The following MAP1S variants were observed in gnomAD, a reference collection of about 807,000 sequenced individuals.
MAP1S encodes the protein microtubule associated protein 1S.
MAP1S carries 27 observed loss-of-function variants against 60.9 expected under a neutral mutation model. That is an observed-to-expected ratio of 0.44 (90% CI 0.33 to 0.61). MAP1S has a LOEUF of 0.61. MAP1S is among the 20% of genes least tolerant of loss of function. The pLI is 0.03. For synonymous variants in MAP1S, 826 were observed against 694.2 expected (o/e 1.19, Z -2.98); for missense variants, 1,608 against 1,486.6 (o/e 1.08, Z -1.34).
chr19:17,728,114 C>G lies in MAP1S; in HGVS notation c.2730C>G (p.Gly910=). Reference sequence around the variant, plus strand: ...GGAGTGAGCCCAGTGAGAAGGGAGGCCGGGCACCCCTGTCCAGAAAGTCCT... The same window carrying G: ...GGAGTGAGCCCAGTGAGAAGGGAGGGCGGGCACCCCTGTCCAGAAAGTCCT... ...SARSEPSEKG[G]RAPLSRKSST... is the part of the protein sequence containing the mutation. The change falls in exon 5 of 7, where the codon GGC becomes GGG. Residue 910 remains glycine, a synonymous_variant. Transcript: ENST00000324096. 1 of 1,611,612 alleles carries G rather than the reference C, an allele frequency of 6.2e-7. No individual in the cohort carries two copies. The highest frequency in any genetic ancestry group is 8.5e-7 in the Non-Finnish European group (1 of 1,179,042).
At chr19:17,720,111 G>T in intron 1 of MAP1S, 1 of 1,236,554 alleles carries the variant, frequency 8.1e-7, no homozygotes, top group Non-Finnish European at 1.0e-6. Context: ...TAATTGGGGT[G>T]TGGGCGGGTG....
intron 6 of MAP1S, among the ~76,000 whole-genome samples, 177 bp downstream of exon 6, chr19:17,733,605 C>T (rs542564423): frequency 1.3e-5 from 2 of 152,328 alleles, no homozygotes; most frequent in African/African-American, 4.8e-5. Flanking sequence ...TCTGTCGTGT[C>T]ACTGTTGTCA....
At chr19:17,731,986 T>G (rs1490385252) in intron 5 of MAP1S, among the ~76,000 whole-genome samples, 1 of 152,262 alleles carries the variant, frequency 6.6e-6, no homozygotes, top group Non-Finnish European at 1.5e-5. Flanking sequence ...TTTACATTAT[T>G]GTTCATAAAG....
rs1356816256 is a variant in MAP1S, at chr19:17,727,321, G to C, written c.1937G>C (p.Ser646Thr). Residue 646 changes from serine to threonine, a missense_variant, in exon 5 of 7, where the codon AGC becomes ACC. Transcript: ENST00000324096. The surrounding 1 kb of genome is among the most constrained non-coding windows in gnomAD (Gnocchi z 4.1). ...ACACCCTCCCCTGAGTCCCACCGGAGCCCCGCAGAGGGCAGCGAGCGGCTG... is the reference window on the plus strand; with the variant it reads ...ACACCCTCCCCTGAGTCCCACCGGACCCCCGCAGAGGGCAGCGAGCGGCTG... The part of the protein sequence containing the change: ...PRTPSPESHR[S>T]PAEGSERLSL... 2 of 1,591,538 alleles carry C rather than the reference G, an allele frequency of 1.3e-6. No homozygotes were observed. Among genetic ancestry groups the C allele is most frequent in the Admixed American group, 1.7e-5 (1 of 57,792 alleles).
chr19:17,729,641 G>C (rs2080475293), intron 5 of MAP1S, among the ~76,000 whole-genome samples: 1 of 151,930 alleles, frequency 6.6e-6, no homozygotes, highest in Non-Finnish European at 1.5e-5. Context: ...GAACAGGTGG[G>C]ACCACAGACA....
Position 17,734,468 on chromosome 19 carries a change from T to C in MAP1S, c.*40T>C. The stretch of plus-strand genomic sequence containing the variant: ...CGCCCCCCACTCAGCCCAGCCCGCC[T>C]GTCCCTAGATTCAGCCACATCAGAA... On this transcript the variant is annotated 3_prime_UTR_variant, in exon 7 of 7. Coordinates refer to ENST00000324096, the MANE Select transcript of MAP1S (RefSeq NM_018174.6). 1 of 1,578,814 alleles carries C rather than the reference T, an allele frequency of 6.3e-7. No homozygotes were observed. The highest frequency in any genetic ancestry group is 8.6e-7 in the Non-Finnish European group (1 of 1,160,524).
Position 17,728,186 on chromosome 19 carries a change from C to G in MAP1S, c.2788+14C>G, listed in dbSNP as rs758759534. On this transcript the variant is annotated intron_variant, in intron 5 of 6. Coordinates refer to ENST00000324096, the MANE Select transcript of MAP1S (RefSeq NM_018174.6). ...GAGGCCCGTCGGGTGAGTACTGGAG[C>G]TGGGGCCCTGGGCTGGGTTAGCAGC... 1.9e-6 allele frequency: 3 copies of G among 1,555,084 alleles called. No individual in the cohort carries two copies. The East Asian group carries it at 6.8e-5, about 35-fold the overall frequency.
intron 1 of MAP1S, chr19:17,720,424 A>G (rs1275315418): frequency 2.0e-6 from 3 of 1,535,108 alleles, no homozygotes; most frequent in Non-Finnish European, 2.6e-6. Context: ...CAGCCCTGCC[A>G]ACACAGGTCT....
At chr19:17,721,175 C>T (rs779060967) in intron 2 of MAP1S, 138 bp downstream of exon 2, 161 of 747,314 alleles carry the variant, frequency 2.2e-4, no homozygotes, top group Non-Finnish European at 3.4e-4. Flanking sequence ...AAATGCAAGC[C>T]GTGACCCAGT....
chr19:17,731,349 A>G (rs2080491614), intron 5 of MAP1S, among the ~76,000 whole-genome samples: 1 of 152,172 alleles, frequency 6.6e-6, no homozygotes, highest in African/African-American at 2.4e-5. Flanking sequence ...TCCCAGCACC[A>G]TTTGTTGAAA....
At position 17,725,855 on chromosome 19, in the gene MAP1S, C is replaced by T. The variant is rs1222339209; in HGVS notation, c.471C>T (p.Pro157=). 1 of 1,613,176 alleles carries T rather than the reference C, an allele frequency of 6.2e-7. No homozygotes were observed. Among genetic ancestry groups the T allele is most frequent in the Non-Finnish European group, 8.5e-7 (1 of 1,179,910 alleles). Residue 157 remains proline (P), a synonymous_variant, in exon 5 of 7, where the codon CCC becomes CCT. Coordinates refer to ENST00000324096, the MANE Select transcript of MAP1S (RefSeq NM_018174.6). This position sits in a 1 kb window ranked among gnomAD's most constrained non-coding sequence, Gnocchi z 4.2. Reference sequence around the variant, plus strand: ...TCCGGGACATCCTGGCCACCACGCCCCCACCTGTGCAGCCGCCCATACTCA... The same window carrying T: ...TCCGGGACATCCTGGCCACCACGCCTCCACCTGTGCAGCCGCCCATACTCA... ...REIRDILATT[P]PPVQPPILTI... is the part of the protein sequence containing the mutation.
At chr19:17,722,547 G>A (rs1215514024) in intron 2 of MAP1S, among the ~76,000 whole-genome samples, 1 of 152,080 alleles carries the variant, frequency 6.6e-6, no homozygotes, top group Non-Finnish European at 1.5e-5. Flanking sequence ...TCAGGAGTTC[G>A]AGACCAGCCT....
At position 17,727,500 on chromosome 19, in the gene MAP1S, C is replaced by G; in HGVS notation, c.2116C>G (p.Leu706Val). Residue 706 changes from leucine to valine, a missense_variant, in exon 5 of 7, where the codon CTG (leucine) becomes GTG (valine). By Grantham distance (32) the Leu-to-Val change is conservative. Around this residue, in one of 4 missense-constraint regions of MAP1S, gnomAD observed 1,167 missense variants for 961.4 expected, o/e 1.21. Coordinates refer to ENST00000324096, the MANE Select transcript of MAP1S (RefSeq NM_018174.6). The surrounding 1 kb of genome is among the most constrained non-coding windows in gnomAD (Gnocchi z 4.1). ...ESLSVSFEQVLPPSAPTSEAG... is the reference protein window; with the variant it reads ...ESLSVSFEQVVPPSAPTSEAG... Reference sequence around the variant, plus strand: ...CCTGTCGGTGTCCTTTGAGCAGGTGCTGCCGCCATCCGCCCCCACCAGTGA... The same window carrying G: ...CCTGTCGGTGTCCTTTGAGCAGGTGGTGCCGCCATCCGCCCCCACCAGTGA... 1 of 1,610,866 alleles carries G rather than the reference C, an allele frequency of 6.2e-7. No homozygotes were observed. Among genetic ancestry groups the G allele is most frequent in the Non-Finnish European group, 8.5e-7 (1 of 1,179,288 alleles).
Position 17,719,537 on chromosome 19 carries a change from C to T in MAP1S, c.35C>T (p.Ala12Val). The change falls in exon 1 of 7, where the codon GCT becomes GTT. Residue 12 changes from alanine (A) to valine (V), a missense_variant. Transcript: ENST00000324096. ...AAVAGSGAAA[A>V]PSSLLLVVGS... is the part of the protein sequence containing the mutation. ...GTGGCTGGATCTGGGGCTGCCGCGGCTCCGAGCTCACTGCTCCTCGTGGTG... is the reference window on the plus strand; with the variant it reads ...GTGGCTGGATCTGGGGCTGCCGCGGTTCCGAGCTCACTGCTCCTCGTGGTG... 2.4e-6 allele frequency: 3 copies of T among 1,246,144 alleles called. No individual in the cohort carries two copies. Among genetic ancestry groups the T allele is most frequent in the East Asian group, 3.2e-5 (1 of 31,642 alleles). 77.2% of individuals were successfully genotyped at this position (1,246,144 alleles called of 1,614,324 possible).
intron 1 of MAP1S, chr19:17,720,508 G>A (rs2080360977): frequency 6.6e-7 from 1 of 1,511,442 alleles, no homozygotes; most frequent in African/African-American, 1.4e-5. Flanking sequence ...GGAAGGATGA[G>A]AAGGCTGCAA....
rs772690178 is a variant in MAP1S, at chr19:17,727,075, A to G, written c.1691A>G (p.Lys564Arg). ...TNAQAAPKPRKAPSTSHSGFP... is the reference protein window; with the variant it reads ...TNAQAAPKPRRAPSTSHSGFP... ...GCCCAGGCGGCACCCAAGCCCCGCAAAGCGCCCAGCACGTCCCACTCTGGC... is the reference window on the plus strand; with the variant it reads ...GCCCAGGCGGCACCCAAGCCCCGCAGAGCGCCCAGCACGTCCCACTCTGGC... Residue 564 changes from lysine (K) to arginine (R), a missense_variant, in exon 5 of 7, where the codon AAA becomes AGA. Coordinates refer to ENST00000324096, the MANE Select transcript of MAP1S (RefSeq NM_018174.6). The surrounding 1 kb of genome is among the most constrained non-coding windows in gnomAD (Gnocchi z 4.1). 1.2e-5 allele frequency: 19 copies of G among 1,606,660 alleles called. No individual in the cohort carries two copies. The highest frequency in any genetic ancestry group is 1.4e-5 in the Non-Finnish European group (17 of 1,177,980).
At position 17,732,554 on chromosome 19, in the gene MAP1S, G is replaced by A. The variant is rs114996412; in HGVS notation, c.2789-639G>A. 6.0e-3 allele frequency among the ~76,000 whole-genome samples: 913 copies of A among 152,246 alleles called. 13 individuals carry two copies. Among genetic ancestry groups the A allele is most frequent in the African/African-American group, 0.021 (868 of 41,524 alleles). On this transcript the variant is annotated intron_variant, in intron 5 of 6. Coordinates refer to ENST00000324096, the MANE Select transcript of MAP1S (RefSeq NM_018174.6). ...AGCATCCCGCAGTGATCTTGGGCCC[G>A]CCTCTCAAGGCTCTGTCCACCCACC...
rs748568204 is a variant in MAP1S at position 17,727,123 on chromosome 19, C to T, written c.1739C>T (p.Pro580Leu). 30 of 1,595,482 alleles carry T rather than the reference C, an allele frequency of 1.9e-5. No individual in the cohort carries two copies. The highest frequency in any genetic ancestry group is 2.6e-5 in the Non-Finnish European group (30 of 1,174,084). ...HSGFPPVANG[P>L]RSPPSLRCGE... ...GGCTTCCCGCCGGTGGCAAATGGAC[C>T]CCGCAGCCCGCCCAGCCTCCGATGT... Residue 580 changes from proline (P) to leucine (L), a missense_variant, in exon 5 of 7, where the codon CCC becomes CTC. Physicochemically the swap from Pro to Leu is moderately conservative, Grantham distance 98 (BLOSUM62 -3). This residue lies in a region of MAP1S where 1,167 missense variants were observed against 961.4 expected (regional missense o/e 1.21). Transcript: ENST00000324096. The surrounding 1 kb of genome is among the most constrained non-coding windows in gnomAD (Gnocchi z 4.1).
intron 3 of MAP1S, among the ~76,000 whole-genome samples, 184 bp from the exon 4 acceptor site, chr19:17,724,865 A>G (rs2080402894): frequency 6.6e-6 from 1 of 152,040 alleles, no homozygotes; most frequent in South Asian, 2.1e-4. Flanking sequence ...GGAGTTTGCT[A>G]GGGTTGCTCC....
Sources: gnomAD v4.1 joint callset for allele counts (sites outside exome capture counted in the v4.1 genomes callset) on GRCh38, gnomAD v4.1.1 for gene constraint, gnomAD v4.1.1 regional missense constraint, Gnocchi (gnomAD v3.1) non-coding constraint, MANE v1.5 for transcripts, NCBI Gene and HGNC (gene_info 2026-07-23, HGNC 2026-07-21) for gene names.